Variants in RAB3GAP2 observed in about 807,000 individuals in gnomAD.
The protein encoded by RAB3GAP2 is RAB3 GTPase activating non-catalytic protein subunit 2, also known as rab3 GTPase-activating protein non-catalytic subunit.
A neutral mutation model predicts 185.3 loss-of-function variants in RAB3GAP2; 87 were observed. That is an observed-to-expected ratio of 0.47 (90% CI 0.39 to 0.56). The LOEUF is 0.56. Among genes scored for constraint, RAB3GAP2 ranks in the 20% least tolerant of loss-of-function variants. The probability of loss-of-function intolerance (pLI) is 0.00; values close to 1 mark genes in which losing one functional copy is unlikely to be tolerated. For synonymous variants in RAB3GAP2, 554 were observed against 576.1 expected (o/e 0.96, Z 0.55); for missense variants, 1,492 against 1,638.2 (o/e 0.91, Z 1.54).
intron 1 of RAB3GAP2, among the ~76,000 whole-genome samples, chr1:220,238,264 T>C (rs189012128): frequency 8.5e-5 from 13 of 152,266 alleles, no homozygotes; most frequent in Non-Finnish European, 1.8e-4. Flanking sequence ...AGGCTGGTGA[T>C]GTGTGTTTTA....
intron 8 of RAB3GAP2, among the ~76,000 whole-genome samples, chr1:220,204,092 C>T (rs1410675210): frequency 6.6e-6 from 1 of 152,048 alleles, no homozygotes; most frequent in Non-Finnish European, 1.5e-5. Context: ...GAGACGGCTT[C>T]CTGAAAACAT....
intron 1 of RAB3GAP2, among the ~76,000 whole-genome samples, chr1:220,255,177 T>C (rs1660012821): frequency 6.6e-6 from 1 of 151,590 alleles, no homozygotes. Context: ...TTTCAGATCT[T>C]CAATAAATTT....
chr1:220,200,580 G>A (rs201407438), intron 9 of RAB3GAP2: 227 of 530,118 alleles, frequency 4.3e-4, no homozygotes, highest in Non-Finnish European at 6.5e-4. Flanking sequence ...TAGAATAATA[G>A]TTTCTATCCA....
chr1:220,216,967 C>G (rs1399230051), intron 2 of RAB3GAP2, among the ~76,000 whole-genome samples: 1 of 151,596 alleles, frequency 6.6e-6, no homozygotes, highest in Non-Finnish European at 1.5e-5. Context: ...AGGATTAGAT[C>G]TGATGTTTAT....
chr1:220,266,984 G>A, intron 1 of RAB3GAP2: 6 of 1,610,338 alleles, frequency 3.7e-6, no homozygotes, highest in Admixed American at 1.7e-5. Flanking sequence ...AGGCTCCAGA[G>A]ATCCACCTTC....
intron 1 of RAB3GAP2, among the ~76,000 whole-genome samples, chr1:220,251,861 A>G (rs1050890334): frequency 6.6e-6 from 1 of 152,226 alleles, no homozygotes; most frequent in East Asian, 1.9e-4. Flanking sequence ...ACCATTAAGA[A>G]CATGCTATAG....
chr1:220,184,222 CT>C, intron 18 of RAB3GAP2, 59 bp from the exon 19 acceptor site: 1 of 1,471,972 alleles, frequency 6.8e-7, no homozygotes, highest in Non-Finnish European at 9.5e-7. Context: ...CATAAACAGG[CT>C]TTGCTTTCAT....
At chr1:220,161,797 T>C (rs1657968009) in intron 28 of RAB3GAP2, among the ~76,000 whole-genome samples, 1 of 152,208 alleles carries the variant, frequency 6.6e-6, no homozygotes, top group South Asian at 2.1e-4. Flanking sequence ...CTAGCCATGA[T>C]AGGCAATACA....
Position 220,249,983 on chromosome 1 carries a change from C to T in RAB3GAP2, c.116-17120G>A, listed in dbSNP as rs528129741. On this transcript the variant is annotated intron_variant, in intron 1 of 34. Coordinates refer to ENST00000358951, the MANE Select transcript of RAB3GAP2 (RefSeq NM_012414.4). Reference sequence around the variant, plus strand: ...GCAGAACCCTAATGGAGAACCTTTGCTAGGGCAGTGTGGAAGGGAAATGTG... The same window carrying T: ...GCAGAACCCTAATGGAGAACCTTTGTTAGGGCAGTGTGGAAGGGAAATGTG... Among the ~76,000 whole-genome samples the T allele has an allele frequency of 5.7e-4, 87 of 152,326 alleles. 1 individual carries two copies. Among genetic ancestry groups the T allele is most frequent in the African/African-American group, 1.4e-3 (57 of 41,574 alleles).
At chr1:220,183,789 ATATAC>A (rs1196117345) in intron 19 of RAB3GAP2, among the ~76,000 whole-genome samples, 1 of 152,166 alleles carries the variant, frequency 6.6e-6, no homozygotes, top group African/African-American at 2.4e-5. Flanking sequence ...AACTATTTTT[ATATAC>A]TATATGTACA....
chr1:220,210,317 C>A lies in RAB3GAP2; in HGVS notation c.612+71G>T. On this transcript the variant is annotated intron_variant, in intron 7 of 34. Coordinates refer to ENST00000358951, the MANE Select transcript of RAB3GAP2 (RefSeq NM_012414.4). ...ACAAAGATCTCTTTTAAGTTTCTACCTAAAAAAGAGGAGAGAAACTGCTTC... is the reference window on the plus strand; with the variant it reads ...ACAAAGATCTCTTTTAAGTTTCTACATAAAAAAGAGGAGAGAAACTGCTTC... 5 of 1,120,702 alleles carry A rather than the reference C, an allele frequency of 4.5e-6. No individual in the cohort carries two copies. In the Admixed American group the frequency reaches 6.7e-5, roughly 15 times the overall value. The allele number at this position is 1,120,702 out of a possible 1,614,324, so 69.4% of individuals were successfully genotyped here. A position where few individuals can be genotyped will look rare whatever the true frequency, so the allele number is the denominator to read the frequency against.
At chr1:220,231,615 C>A (rs192085644) in intron 2 of RAB3GAP2, among the ~76,000 whole-genome samples, 1 of 152,206 alleles carries the variant, frequency 6.6e-6, no homozygotes, top group Non-Finnish European at 1.5e-5. Context: ...TATCCTCTAA[C>A]TCCAGGGAAT....
In RAB3GAP2 at chr1:220,196,785, C is replaced by T. The variant is rs1303162211; in HGVS notation, c.812-387G>A. On this transcript the variant is annotated intron_variant, in intron 9 of 34. Coordinates refer to ENST00000358951, the MANE Select transcript of RAB3GAP2 (RefSeq NM_012414.4). The stretch of plus-strand genomic sequence containing the variant: ...GGTGGAGGTTGCAGTAAGCTGAGGT[C>T]ACACCAACTGCACTCCAGCCTGGGC... Among the ~76,000 whole-genome samples, 4 of 151,306 alleles carry T rather than the reference C, an allele frequency of 2.6e-5. No homozygotes were observed. The South Asian group carries it at 6.3e-4, about 24-fold the overall frequency.
At chr1:220,195,260 A>T (rs762057763) in intron 11 of RAB3GAP2, 38 bp downstream of exon 11, 53 of 1,597,008 alleles carry the variant, frequency 3.3e-5, no homozygotes, top group Admixed American at 1.7e-5. Context: ...AGCTAGATAC[A>T]AATGAGATAT....
chr1:220,216,954 AC>A (rs1399143309), intron 2 of RAB3GAP2, among the ~76,000 whole-genome samples: 1 of 152,122 alleles, frequency 6.6e-6, no homozygotes, highest in Non-Finnish European at 1.5e-5. Flanking sequence ...AATGCCACTA[AC>A]AAGGATTAGA....
chr1:220,270,431 C>G (rs1194018522), intron 1 of RAB3GAP2, among the ~76,000 whole-genome samples: 2 of 152,202 alleles, frequency 1.3e-5, no homozygotes, highest in Admixed American at 1.3e-4. Flanking sequence ...GGTGTTCAAC[C>G]AGATGTCCTT....
chr1:220,239,545 G>A (rs1485418238), intron 1 of RAB3GAP2, among the ~76,000 whole-genome samples: 1 of 151,994 alleles, frequency 6.6e-6, no homozygotes, highest in Non-Finnish European at 1.5e-5. Flanking sequence ...AATAACTTTT[G>A]TATGTAACAT....
At chr1:220,162,472 G>C (rs1260370394) in intron 27 of RAB3GAP2, among the ~76,000 whole-genome samples, 2 of 152,062 alleles carry the variant, frequency 1.3e-5, no homozygotes, top group Non-Finnish European at 2.9e-5. Context: ...GGCTGTATAA[G>C]AGTATGTCTA....
At chr1:220,167,778 C>G in intron 24 of RAB3GAP2, 103 bp from the exon 25 acceptor site, 2 of 1,225,396 alleles carry the variant, frequency 1.6e-6, no homozygotes, top group South Asian at 1.2e-5. Flanking sequence ...GTGCCACATT[C>G]ATTTCTCAGC....
Sources: allele counts gnomAD v4.1 joint callset (sites outside exome capture counted in the v4.1 genomes callset), GRCh38; gene constraint gnomAD v4.1.1; transcripts MANE v1.5; gene names NCBI Gene and HGNC (gene_info 2026-07-23, HGNC 2026-07-21).